ECPAS: variants seen among roughly 807,000 people sequenced by gnomAD.
ECPAS encodes proteasome adapter and scaffold protein ECM29.
A neutral mutation model predicts 255.1 loss-of-function variants in ECPAS; 70 were observed. That is an observed-to-expected ratio of 0.27 (90% CI 0.23 to 0.33). The LOEUF is 0.33. Among genes scored for constraint, ECPAS ranks in the 10% least tolerant of loss-of-function variants. ECPAS has a pLI of 1.00. For synonymous variants in ECPAS, 784 were observed against 775.0 expected, an observed-to-expected ratio of 1.01 and a Z score of -0.19; for missense variants, 1,817 against 2,206.4, an observed-to-expected ratio of 0.82 and a Z score of 3.54.
intron 38 of ECPAS, 81 bp from the exon 39 acceptor site, chr9:111,374,119 A>T: frequency 9.7e-7 from 1 of 1,035,858 alleles, no homozygotes; most frequent in Non-Finnish European, 1.5e-6. Flanking sequence ...GGTGCCAAAA[A>T]TTTAAACATA....
At chr9:111,415,994 T>C (rs922355512) in intron 18 of ECPAS, among the ~76,000 whole-genome samples, 1 of 152,188 alleles carries the variant, frequency 6.6e-6, no homozygotes, top group African/African-American at 2.4e-5. Flanking sequence ...AACCCAAATC[T>C]AACTTGCTGC....
chr9:111,398,862 A>C (rs2098171361), intron 24 of ECPAS, among the ~76,000 whole-genome samples: 1 of 152,024 alleles, frequency 6.6e-6, no homozygotes, highest in Non-Finnish European at 1.5e-5. Flanking sequence ...GCTTGAACTC[A>C]GGAGGTGGAG....
At chr9:111,367,084 C>T (rs1046338221) in intron 46 of ECPAS, among the ~76,000 whole-genome samples, 1 of 152,162 alleles carries the variant, frequency 6.6e-6, no homozygotes, top group African/African-American at 2.4e-5. Flanking sequence ...TGCAGGTTTA[C>T]CAAGAGTCAA....
chr9:111,408,899 A>C (rs973339799), intron 23 of ECPAS, among the ~76,000 whole-genome samples: 3 of 152,230 alleles, frequency 2.0e-5, no homozygotes, highest in East Asian at 1.9e-4. Flanking sequence ...AGAAGAAGGA[A>C]GAAAGCCTTT....
Position 111,392,886 on chromosome 9 carries a change from C to T in ECPAS, c.2978-4G>A. 2 of 1,592,210 alleles carry T rather than the reference C, an allele frequency of 1.3e-6. No homozygotes were observed. Among genetic ancestry groups the T allele is most frequent in the African/African-American group, 1.3e-5 (1 of 74,086 alleles). On this transcript the variant is annotated splice_polypyrimidine_tract_variant and splice_region_variant and intron_variant, in intron 27 of 49. Coordinates refer to ENST00000684092, the MANE Select transcript of ECPAS (RefSeq NM_001364929.1). ...GATGCAACATCTTGGCTAAGTTCTA[C>T]AAGAAAGTCAGACAAGATTGTATCA...
intron 7 of ECPAS, among the ~76,000 whole-genome samples, chr9:111,434,060 G>GA (rs2098234074): frequency 6.6e-6 from 1 of 152,036 alleles, no homozygotes; most frequent in Non-Finnish European, 1.5e-5. Flanking sequence ...AAATACACCT[G>GA]AAAAAATAAA....
chr9:111,449,509 A>T (rs1406933206), intron 3 of ECPAS, among the ~76,000 whole-genome samples: 2 of 152,156 alleles, frequency 1.3e-5, no homozygotes, highest in Non-Finnish European at 2.9e-5. Context: ...TTATTTTTTT[A>T]AAAAAGAATA....
intron 45 of ECPAS, 144 bp downstream of exon 45, chr9:111,370,291 A>T: frequency 1.7e-6 from 1 of 598,382 alleles, no homozygotes; most frequent in South Asian, 2.3e-5. Flanking sequence ...CATAGCATTG[A>T]CTATCTTGTT....
At chr9:111,376,223 A>G (rs951818710) in intron 37 of ECPAS, among the ~76,000 whole-genome samples, 4 of 152,214 alleles carry the variant, frequency 2.6e-5, no homozygotes, top group Admixed American at 6.5e-5. Flanking sequence ...ATGTAAATTT[A>G]TAGAGAGCTC....
chr9:111,452,177 G>A (rs903791317), intron 2 of ECPAS, among the ~76,000 whole-genome samples: 3 of 152,132 alleles, frequency 2.0e-5, no homozygotes, highest in African/African-American at 7.2e-5. Context: ...AATGAAAGGG[G>A]AGCCTATGCA....
At chr9:111,447,464 G>A (rs147014523) in intron 3 of ECPAS, among the ~76,000 whole-genome samples, 2 of 152,144 alleles carry the variant, frequency 1.3e-5, no homozygotes, top group African/African-American at 2.4e-5. Context: ...TAGCATTATT[G>A]TCATGTTAAA....
chr9:111,440,095 C>T (rs2098243747), intron 6 of ECPAS, among the ~76,000 whole-genome samples: 1 of 151,960 alleles, frequency 6.6e-6, no homozygotes. Context: ...ACTCCTAGCC[C>T]CCAGTAATCG....
At chr9:111,408,062 C>A (rs936410679) in intron 24 of ECPAS, among the ~76,000 whole-genome samples, 2 of 152,264 alleles carry the variant, frequency 1.3e-5, no homozygotes, top group South Asian at 4.1e-4. Context: ...GCCAAAGAGG[C>A]TGGTATACAG....
At chr9:111,433,047 A>C (rs1262671153) in intron 8 of ECPAS, among the ~76,000 whole-genome samples, 186 bp downstream of exon 8, 2 of 152,200 alleles carry the variant, frequency 1.3e-5, no homozygotes, top group Non-Finnish European at 2.9e-5. Flanking sequence ...ATCTCCACAC[A>C]GATTTTCTTC....
Position 111,451,524 on chromosome 9 carries a change from G to A in ECPAS, c.54C>T (p.Gly18=). The A allele has an allele frequency of 1.9e-6, 3 of 1,574,698 alleles. No homozygotes were observed. The South Asian group carries it at 3.5e-5, about 19-fold the overall frequency. Residue 18 remains glycine, a synonymous_variant, in exon 3 of 50, where the codon GGC becomes GGT. Transcript: ENST00000684092. ...GTAATTGTTCATCTGTTTCAGCATGGCCAAGTCGTAAAAAGACCCGTTCAA... is the reference window on the plus strand; with the variant it reads ...GTAATTGTTCATCTGTTTCAGCATGACCAAGTCGTAAAAAGACCCGTTCAA... ...DQLERVFLRL[G]HAETDEQLQN... is the part of the protein sequence containing the mutation.
At chr9:111,433,764 G>T (rs1290729882) in intron 7 of ECPAS, among the ~76,000 whole-genome samples, 3 of 152,032 alleles carry the variant, frequency 2.0e-5, no homozygotes, top group African/African-American at 7.3e-5. Flanking sequence ...CCAAATTTGG[G>T]GCCTCCAGAT....
chr9:111,466,616 TACACACACACACACACACACAC>T (rs55763374), intron 2 of ECPAS, among the ~76,000 whole-genome samples: 1 of 143,382 alleles, frequency 7.0e-6, no homozygotes, highest in Non-Finnish European at 1.5e-5. Flanking sequence ...AATAACTAAA[TACACACACACACACACACACAC>T]ACACACACAC....
chr9:111,373,073 C>A, intron 41 of ECPAS, 97 bp downstream of exon 41: 1 of 944,838 alleles, frequency 1.1e-6, no homozygotes, highest in South Asian at 1.4e-5. Context: ...TCTAGCAAAT[C>A]ACATAAAATC....
At chr9:111,453,011 AG>A (rs1310819866) in intron 2 of ECPAS, among the ~76,000 whole-genome samples, 1 of 152,116 alleles carries the variant, frequency 6.6e-6, no homozygotes, top group East Asian at 1.9e-4. Flanking sequence ...TGAGAGACCA[AG>A]GAGGGAGGAT....
Sources: gnomAD v4.1 joint callset for allele counts (sites outside exome capture counted in the v4.1 genomes callset) on GRCh38, gnomAD v4.1.1 for gene constraint, MANE v1.5 for transcripts, NCBI Gene and HGNC (gene_info 2026-07-23, HGNC 2026-07-21) for gene names.